SLC35E2B: variants seen among roughly 807,000 people sequenced by gnomAD.
SLC35E2B encodes the protein solute carrier family 35 member E2B.
In SLC35E2B, 18 loss-of-function variants were observed where a neutral mutation model predicts 32.4. The observed-to-expected ratio is 0.56, with a 90% confidence interval of 0.38 to 0.82. The LOEUF (loss-of-function observed/expected upper bound fraction) is 0.82, where lower values mean the gene tolerates loss of function less well. SLC35E2B is among the 40% of genes least tolerant of loss of function. The pLI, the probability that SLC35E2B is intolerant of heterozygous loss-of-function variation, is 0.00. For synonymous variants in SLC35E2B, 132 were observed against 209.1 expected (o/e 0.63, Z 3.18); for missense variants, 263 against 469.5 (o/e 0.56, Z 4.06).
At chr1:1,690,241 T>C (rs1448804462) in intron 2 of SLC35E2B, among the ~76,000 whole-genome samples, 1 of 142,030 alleles carries the variant, frequency 7.0e-6, no homozygotes, top group African/African-American at 2.6e-5. Flanking sequence ...GATCGCGCCA[T>C]TGCACAACAG....
chr1:1,672,962 C>A (rs574599312), intron 5 of SLC35E2B: 1 of 154,230 alleles, frequency 6.5e-6, no homozygotes, highest in Non-Finnish European at 1.4e-5. Context: ...ATCTCATCGA[C>A]CATGGCTGGA....
chr1:1,689,986 C>CA (rs763440072), intron 2 of SLC35E2B, among the ~76,000 whole-genome samples: 1,002 of 84,602 alleles, frequency 0.012, 14 homozygotes, highest in Middle Eastern at 0.038. Context: ...GACCCTGTCT[C>CA]AAAAAAAAAA....
chr1:1,688,238 AGCCACCATCTG>A (rs1198693508), intron 2 of SLC35E2B, among the ~76,000 whole-genome samples: 4 of 152,158 alleles, frequency 2.6e-5, no homozygotes, highest in Non-Finnish European at 4.4e-5. Context: ...CAGAATGAGA[AGCCACCATCTG>A]GCCACCATCA....
At chr1:1,688,213 T>C (rs1299342528) in intron 2 of SLC35E2B, among the ~76,000 whole-genome samples, 1 of 152,126 alleles carries the variant, frequency 6.6e-6, no homozygotes, top group African/African-American at 2.4e-5. Context: ...AGTCAATCCA[T>C]GATCATCAGA....
intron 7 of SLC35E2B, 112 bp downstream of exon 7, chr1:1,669,985 AC>A (rs1643645099): frequency 2.8e-6 from 3 of 1,066,404 alleles, no homozygotes. Flanking sequence ...TGTAAAGGCC[AC>A]CCAAGCCAGA....
chr1:1,677,752 C>T (rs1177617838), intron 2 of SLC35E2B, among the ~76,000 whole-genome samples: 1 of 151,896 alleles, frequency 6.6e-6, no homozygotes, highest in Non-Finnish European at 1.5e-5. Flanking sequence ...TCCTAAAGTT[C>T]CATGCTACTT....
intron 7 of SLC35E2B, 112 bp from the exon 8 acceptor site, chr1:1,669,848 C>T (rs1198060623): frequency 8.7e-7 from 1 of 1,155,148 alleles, no homozygotes; most frequent in Non-Finnish European, 1.3e-6. Context: ...CGTTCATTCT[C>T]TCTAGACAGG....
At position 1,665,754 on chromosome 1, in the gene SLC35E2B, G is replaced by T. The variant is rs1241596653; in HGVS notation, c.*28C>A. 4 of 1,546,718 alleles carry T rather than the reference G, an allele frequency of 2.6e-6. No homozygotes were observed. Among genetic ancestry groups the T allele is most frequent in the Non-Finnish European group, 2.6e-6 (3 of 1,144,276 alleles). Reference sequence around the variant, plus strand: ...TTTCTGGGGGATGCAGTGTCACGAGGACAGCAGCAGCTGGCAGCTTCCTGC... The same window carrying T: ...TTTCTGGGGGATGCAGTGTCACGAGTACAGCAGCAGCTGGCAGCTTCCTGC... On this transcript the variant is annotated 3_prime_UTR_variant, in exon 10 of 10. Transcript: ENST00000617444.
chr1:1,665,929 T>C lies in SLC35E2B; in HGVS notation c.1071A>G (p.Thr357=), dbSNP rs1411147212. The C allele has an allele frequency of 1.5e-5, 24 of 1,551,448 alleles. No homozygotes were observed. The highest frequency in any genetic ancestry group is 1.7e-4 in the Middle Eastern group (1 of 5,992). ...GCAGGACCCCAACGGTCACCAGGGC[T>C]GTGCCAACGGCCGACAAGCTGGTGA... ...NKITSLSAVG[T]ALVTVGVLLY... Residue 357 remains threonine (T), a synonymous_variant, in exon 10 of 10, where the codon ACA becomes ACG. Coordinates refer to ENST00000617444, the MANE Select transcript of SLC35E2B (RefSeq NM_001290264.2).
Position 1,662,914 on chromosome 1 carries a change from G to C in SLC35E2B, c.*2868C>G, listed in dbSNP as rs1405034458. On this transcript the variant is annotated 3_prime_UTR_variant, in exon 10 of 10. Coordinates refer to ENST00000617444, the MANE Select transcript of SLC35E2B (RefSeq NM_001290264.2). The stretch of plus-strand genomic sequence containing the variant: ...AACAAGAACTTACTATTCCAGAAAA[G>C]TATTACACAAAGTTATTTTAAAAAA... 1.2e-6 allele frequency: 1 copy of C among 828,708 alleles called. No homozygotes were observed. The highest frequency in any genetic ancestry group is 1.8e-5 in the African/African-American group (1 of 56,592). The allele number at this position is 828,708 out of a possible 1,614,324, so 51.3% of individuals were successfully genotyped here. A position where few individuals can be genotyped will look rare whatever the true frequency, so the allele number is the denominator to read the frequency against.
At chr1:1,689,002 T>G (rs1031374102) in intron 2 of SLC35E2B, among the ~76,000 whole-genome samples, 1 of 151,906 alleles carries the variant, frequency 6.6e-6, no homozygotes, top group Non-Finnish European at 1.5e-5. Flanking sequence ...AAACCCCGTC[T>G]CTACCAAAAA....
chr1:1,674,723 A>G (rs1217494401), intron 5 of SLC35E2B, among the ~76,000 whole-genome samples: 4 of 66,068 alleles, frequency 6.1e-5, no homozygotes, highest in African/African-American at 9.8e-5. Flanking sequence ...TCTCAAGTGC[A>G]TGTGGGGCAA....
chr1:1,686,321 CTTTTTTTT>C lies in SLC35E2B; in HGVS notation c.-148+4647_-148+4654del, dbSNP rs375495225. Among the ~76,000 whole-genome samples the C allele has an allele frequency of 5.0e-3, 641 of 127,804 alleles. 5 individuals are homozygous for C. The highest frequency in any genetic ancestry group is 0.017 in the African/African-American group (581 of 34,482). The allele number at this position is 127,804 out of a possible 152,430, so 83.8% of individuals were successfully genotyped here. ...CCCAGCCTCCCTTTTCTTTTTTTTT[CTTTTTTTT>C]TTTTTTTTTTGCTGACTCATGGGTT... On this transcript the variant is annotated intron_variant, in intron 2 of 9. Transcript: ENST00000617444.
intron 2 of SLC35E2B, among the ~76,000 whole-genome samples, chr1:1,680,948 G>A (rs1006097858): frequency 1.6e-4 from 24 of 151,560 alleles, no homozygotes; most frequent in Non-Finnish European, 2.8e-4. Context: ...GATTACAGGC[G>A]CCTGCCACCA....
In SLC35E2B at chr1:1,668,333, G is replaced by A; in HGVS notation, c.974C>T (p.Thr325Ile). ...YALMGKISPV[T>I]FSVASTVKHA... ...GGGAAGTTCCTCTGCTCACCTGAAA[G>A]TCACCGGGGAGATTTTCCCCATGAG... Residue 325 changes from threonine to isoleucine, a missense_variant, in exon 9 of 10, where the codon ACT (threonine) becomes ATT (isoleucine). Physicochemically the swap from Thr to Ile is moderately conservative, Grantham distance 89. This residue lies in a region of SLC35E2B where 38 missense variants were observed against 56.9 expected (regional missense o/e 0.67). Transcript: ENST00000617444. The A allele has an allele frequency of 1.2e-6, 2 of 1,607,226 alleles. No individual in the cohort carries two copies. Among genetic ancestry groups the A allele is most frequent in the Non-Finnish European group, 1.7e-6 (2 of 1,177,006 alleles).
intron 6 of SLC35E2B, chr1:1,670,719 C>T (rs577938109): frequency 2.6e-5 from 4 of 152,588 alleles, no homozygotes; most frequent in Non-Finnish European, 2.9e-5. Context: ...CTGTGCCCAA[C>T]ATATTTTTAT....
chr1:1,662,847 A>G lies in SLC35E2B; in HGVS notation c.*2935T>C, dbSNP rs1334243945. The stretch of plus-strand genomic sequence containing the variant: ...ACCATGGACACACCCAGTGGAAGTA[A>G]CCACACCTGGTGTGTTCCTAGAAGC... On this transcript the variant is annotated 3_prime_UTR_variant, in exon 10 of 10. Transcript: ENST00000617444. 1 of 822,146 alleles carries G rather than the reference A, an allele frequency of 1.2e-6. No homozygotes were observed. Among genetic ancestry groups the G allele is most frequent in the African/African-American group, 1.8e-5 (1 of 56,322 alleles). 50.9% of individuals were successfully genotyped at this position (822,146 alleles called of 1,614,324 possible).
At chr1:1,672,664 G>A (rs1643728137) in intron 5 of SLC35E2B, 1 of 152,320 alleles carries the variant, frequency 6.6e-6, no homozygotes, top group African/African-American at 2.4e-5. Context: ...TCCTATCTCA[G>A]TTGAAGGTCT....
At chr1:1,677,395 G>GC (rs1212976726) in intron 2 of SLC35E2B, among the ~76,000 whole-genome samples, 6 of 151,478 alleles carry the variant, frequency 4.0e-5, no homozygotes, top group African/African-American at 1.5e-4. Flanking sequence ...TTCACGCCCT[G>GC]CCTGGCAGCT....
Sources: allele counts gnomAD v4.1 joint callset (sites outside exome capture counted in the v4.1 genomes callset), GRCh38; gene constraint gnomAD v4.1.1; regional missense constraint gnomAD v4.1.1; transcripts MANE v1.5; gene names NCBI Gene and HGNC (gene_info 2026-07-23, HGNC 2026-07-21).